The following DNAH14 variants were observed in gnomAD, a reference collection of about 807,000 sequenced individuals.
DNAH14 encodes axonemal beta dynein heavy chain 14.
DNAH14 carries 478 observed loss-of-function variants against 520.9 expected under a neutral mutation model. That is an observed-to-expected ratio of 0.92 (90% CI 0.85 to 0.99). The LOEUF is 0.99. DNAH14 is among the 50% of genes least tolerant of loss of function. The pLI, the probability that DNAH14 is intolerant of heterozygous loss-of-function variation, is 0.00. For synonymous variants in DNAH14, 1,581 were observed against 1,757.2 expected (o/e 0.90, Z 2.51); for missense variants, 4,831 against 5,234.5 (o/e 0.92, Z 2.38).
chr1:225,166,201 C>T (rs1455893038), intron 35 of DNAH14, among the ~76,000 whole-genome samples: 1 of 152,180 alleles, frequency 6.6e-6, no homozygotes, highest in Non-Finnish European at 1.5e-5. Flanking sequence ...AGTATTTCCA[C>T]ATGCCCATCA....
chr1:225,229,120 C>T (rs1195175215), intron 41 of DNAH14, among the ~76,000 whole-genome samples: 1 of 152,054 alleles, frequency 6.6e-6, no homozygotes, highest in Admixed American at 6.5e-5. Context: ...TGAGTGTAGC[C>T]GGCTTATCAG....
At chr1:225,254,829 C>T (rs1262615561) in intron 44 of DNAH14, among the ~76,000 whole-genome samples, 1 of 152,156 alleles carries the variant, frequency 6.6e-6, no homozygotes, top group East Asian at 1.9e-4. Context: ...TAGCAGCCAG[C>T]TCAACAGCAA....
intron 4 of DNAH14, among the ~76,000 whole-genome samples, chr1:224,962,003 G>A (rs896795683): frequency 4.0e-5 from 6 of 151,822 alleles, no homozygotes; most frequent in African/African-American, 1.2e-4. Flanking sequence ...AGACCTAAGT[G>A]GCATTTTGTT....
chr1:225,101,320 C>T (rs951128454), intron 23 of DNAH14, among the ~76,000 whole-genome samples: 9 of 151,768 alleles, frequency 5.9e-5, no homozygotes, highest in East Asian at 1.9e-4. Context: ...TCAAGGTAAA[C>T]GTATCCGTAG....
rs2082192055 is a variant in DNAH14, at chr1:225,167,919, A to G, written c.5446-20A>G. ...TTCATTTGCAATGCATTTTAAATTTATGTATTTATTTCCTTTTAGAAAGTA... is the reference window on the plus strand; with the variant it reads ...TTCATTTGCAATGCATTTTAAATTTGTGTATTTATTTCCTTTTAGAAAGTA... On this transcript the variant is annotated intron_variant, in intron 35 of 85. Coordinates refer to ENST00000682510, the MANE Select transcript of DNAH14 (RefSeq NM_001367479.1). The G allele has an allele frequency of 7.4e-7, 1 of 1,355,606 alleles. No homozygotes were observed. The highest frequency in any genetic ancestry group is 1.0e-6 in the Non-Finnish European group (1 of 1,004,112). The allele number at this position is 1,355,606 out of a possible 1,614,324, so 84.0% of individuals were successfully genotyped here.
chr1:224,993,244 T>C (rs1201170760), intron 8 of DNAH14, among the ~76,000 whole-genome samples: 1 of 152,128 alleles, frequency 6.6e-6, no homozygotes, highest in Non-Finnish European at 1.5e-5. Context: ...AGGCATTCTC[T>C]TTCCAATTTT....
Position 225,020,349 on chromosome 1 carries a change from T to C in DNAH14, c.1108-3266T>C, listed in dbSNP as rs143856869. The stretch of plus-strand genomic sequence containing the variant: ...TCATCTCTATTAGAAATACAAAAAT[T>C]AGCCAGGTGTGGTGGCATGTGTCTG... On this transcript the variant is annotated intron_variant, in intron 10 of 85. Transcript: ENST00000682510. Among the ~76,000 whole-genome samples the C allele has an allele frequency of 3.9e-3, 585 of 151,742 alleles. 4 individuals carry two copies. The highest frequency in any genetic ancestry group is 0.013 in the African/African-American group (554 of 41,410).
chr1:225,050,087 T>G (rs896558072), intron 15 of DNAH14, 123 bp from the exon 16 acceptor site: 1 of 772,764 alleles, frequency 1.3e-6, no homozygotes, highest in Non-Finnish European at 1.9e-6. Context: ...AAATATAGAA[T>G]ATTGTCTAAC....
At chr1:225,066,232 A>G (rs1414867455) in intron 17 of DNAH14, among the ~76,000 whole-genome samples, 3 of 152,000 alleles carry the variant, frequency 2.0e-5, no homozygotes, top group Non-Finnish European at 4.4e-5. Context: ...CTTATAAATT[A>G]TCCCCTTATC....
At position 224,964,387 on chromosome 1, in the gene DNAH14, C is replaced by CCA. The variant is rs1572094029; in HGVS notation, c.368-92_368-91insCA. ...ATACTTTGTTACCATTTAAATTTTT[C>CCA]TCTATATAGAAATATTTGTAATATT... is the stretch of plus-strand genomic sequence containing the variant. On this transcript the variant is annotated intron_variant, in intron 4 of 85. Coordinates refer to ENST00000682510, the MANE Select transcript of DNAH14 (RefSeq NM_001367479.1). 9 of 1,303,972 alleles carry CCA rather than the reference C, an allele frequency of 6.9e-6. No individual in the cohort carries two copies. In the East Asian group the frequency reaches 2.6e-4, roughly 38 times the overall value. The allele number at this position is 1,303,972 out of a possible 1,614,324, so 80.8% of individuals were successfully genotyped here.
intron 78 of DNAH14, 75 bp from the exon 79 acceptor site, chr1:225,377,162 C>T (rs1377385907): frequency 4.8e-6 from 6 of 1,239,954 alleles, no homozygotes; most frequent in Non-Finnish European, 6.4e-6. Flanking sequence ...AGGTATCTTA[C>T]TCTGGCAAAA....
intron 68 of DNAH14, among the ~76,000 whole-genome samples, chr1:225,339,141 CAAAAAAAAAA>C (rs5781399): frequency 1.5e-5 from 2 of 131,486 alleles, no homozygotes; most frequent in African/African-American, 6.2e-5. Flanking sequence ...CAATGAAATA[CAAAAAAAAAA>C]AAAAAAAAAA....
intron 52 of DNAH14, among the ~76,000 whole-genome samples, chr1:225,274,194 G>GTTTTTTTTTT (rs1193834939): frequency 0.017 from 2,003 of 119,846 alleles, 268 homozygotes; most frequent in African/African-American, 0.02. Context: ...ACCAGCATCT[G>GTTTTTTTTTT]TTATTTTTTT....
chr1:225,274,350 G>A (rs927045896), intron 52 of DNAH14, among the ~76,000 whole-genome samples: 64 of 151,418 alleles, frequency 4.2e-4, no homozygotes, highest in African/African-American at 1.5e-3. Context: ...GACTACAGGC[G>A]CCCGCCACTG....
rs2058554148 is a variant in DNAH14, at chr1:224,929,795, C to G, written c.-74C>G. Reference sequence around the variant, plus strand: ...TGGGCGGGCCGGACCTTCGCCGCTTCCAGGAAGGGCCACAACGGCCGTCGG... The same window carrying G: ...TGGGCGGGCCGGACCTTCGCCGCTTGCAGGAAGGGCCACAACGGCCGTCGG... On this transcript the variant is annotated 5_prime_UTR_variant, in exon 1 of 86. Transcript: ENST00000682510. 1.4e-6 allele frequency: 1 copy of G among 700,052 alleles called. No individual in the cohort carries two copies. The highest frequency in any genetic ancestry group is 1.5e-5 in the South Asian group (1 of 67,502). 43.4% of individuals were successfully genotyped at this position (700,052 alleles called of 1,614,324 possible).
At chr1:225,018,063 C>T (rs578237247) in intron 10 of DNAH14, among the ~76,000 whole-genome samples, 60 of 152,246 alleles carry the variant, frequency 3.9e-4, no homozygotes, top group African/African-American at 1.3e-3. Flanking sequence ...TTCTTAACCA[C>T]GTTGAAATTG....
chr1:225,103,652 A>G (rs2075730873), intron 23 of DNAH14, among the ~76,000 whole-genome samples: 2 of 152,144 alleles, frequency 1.3e-5, no homozygotes, highest in East Asian at 3.9e-4. Flanking sequence ...CTTTGAAGCA[A>G]TTGTGAATGG....
intron 35 of DNAH14, among the ~76,000 whole-genome samples, chr1:225,163,595 G>A (rs1559145907): frequency 6.6e-6 from 1 of 152,152 alleles, no homozygotes; most frequent in Non-Finnish European, 1.5e-5. Flanking sequence ...TGCATTTTCA[G>A]CATCAATTGA....
At chr1:225,202,985 G>T (rs2087055523) in intron 38 of DNAH14, among the ~76,000 whole-genome samples, 1 of 152,128 alleles carries the variant, frequency 6.6e-6, no homozygotes, top group South Asian at 2.1e-4. Context: ...CCCTAGTGAG[G>T]GTGTGTGTTT....
Sources: allele counts gnomAD v4.1 joint callset (sites outside exome capture counted in the v4.1 genomes callset), GRCh38; gene constraint gnomAD v4.1.1; transcripts MANE v1.5; gene names NCBI Gene and HGNC (gene_info 2026-07-23, HGNC 2026-07-21).